MLLT3: variants seen among roughly 807,000 people sequenced by gnomAD.
MLLT3 encodes the protein protein AF-9.
A neutral mutation model predicts 53.2 loss-of-function variants in MLLT3; 4 were observed. The observed-to-expected ratio is 0.08, with a 90% confidence interval of 0.04 to 0.17. The LOEUF is 0.17. Ranked by LOEUF, MLLT3 falls within the 10% of genes least tolerant of loss-of-function variation. MLLT3 has a pLI of 1.00. For synonymous variants in MLLT3, 283 were observed against 230.6 expected, an observed-to-expected ratio of 1.23 and a Z score of -2.06; for missense variants, 569 against 684.0, an observed-to-expected ratio of 0.83 and a Z score of 1.87.
intron 2 of MLLT3, among the ~76,000 whole-genome samples, chr9:20,516,346 C>G (rs997889440): frequency 6.6e-6 from 1 of 152,174 alleles, no homozygotes; most frequent in Non-Finnish European, 1.5e-5. Context: ...AAGCACAACA[C>G]TCTACATGTA....
chr9:20,351,254 G>C (rs574163458), intron 10 of MLLT3, among the ~76,000 whole-genome samples: 1 of 152,146 alleles, frequency 6.6e-6, no homozygotes, highest in Non-Finnish European at 1.5e-5. Flanking sequence ...AAAGAATGAC[G>C]GCTGGCTTCT....
At chr9:20,460,907 G>C (rs1824090397) in intron 2 of MLLT3, among the ~76,000 whole-genome samples, 1 of 152,166 alleles carries the variant, frequency 6.6e-6, no homozygotes, top group Non-Finnish European at 1.5e-5. Context: ...GAGTACTGTG[G>C]AACTGGTCCT....
At chr9:20,403,530 G>T (rs1822507014) in intron 5 of MLLT3, among the ~76,000 whole-genome samples, 1 of 152,096 alleles carries the variant, frequency 6.6e-6, no homozygotes, top group Non-Finnish European at 1.5e-5. Flanking sequence ...TCTTTAAAGG[G>T]GAGGAAGTGA....
intron 4 of MLLT3, among the ~76,000 whole-genome samples, chr9:20,434,072 G>A (rs543351289): frequency 7.9e-5 from 12 of 152,172 alleles, no homozygotes; most frequent in African/African-American, 2.9e-4. Flanking sequence ...AGTGAGCCAA[G>A]ACGGTGCCAC....
intron 8 of MLLT3, among the ~76,000 whole-genome samples, chr9:20,358,972 C>A (rs1266506894): frequency 1.3e-5 from 2 of 151,722 alleles, no homozygotes; most frequent in Non-Finnish European, 2.9e-5. Flanking sequence ...TGGTGAAACC[C>A]CGTCTCTACT....
chr9:20,614,267 G>A (rs901170933), intron 2 of MLLT3, among the ~76,000 whole-genome samples: 2 of 152,278 alleles, frequency 1.3e-5, no homozygotes, highest in Non-Finnish European at 2.9e-5. Flanking sequence ...GGTGGCGCAT[G>A]CCTATAATCC....
chr9:20,503,429 G>C (rs879833208), intron 2 of MLLT3, among the ~76,000 whole-genome samples: 2 of 152,090 alleles, frequency 1.3e-5, no homozygotes, highest in Non-Finnish European at 2.9e-5. Context: ...AAGGTGCCAA[G>C]AATGCACAAT....
At chr9:20,617,116 T>C (rs1443367411) in intron 2 of MLLT3, among the ~76,000 whole-genome samples, 1 of 152,154 alleles carries the variant, frequency 6.6e-6, no homozygotes, top group Non-Finnish European at 1.5e-5. Flanking sequence ...CCTACACAAA[T>C]AACACTCGCT....
At chr9:20,602,628 T>G (rs993785577) in intron 2 of MLLT3, among the ~76,000 whole-genome samples, 4 of 152,056 alleles carry the variant, frequency 2.6e-5, no homozygotes, top group African/African-American at 9.7e-5. Context: ...AGCAATACAT[T>G]TATTACAAGG....
chr9:20,421,279 A>T (rs1010135146), intron 4 of MLLT3, among the ~76,000 whole-genome samples: 25 of 152,130 alleles, frequency 1.6e-4, no homozygotes, highest in African/African-American at 5.8e-4. Flanking sequence ...AATAAATAAA[A>T]TAAATAAATT....
chr9:20,346,708 C>T, intron 10 of MLLT3, 134 bp from the exon 11 acceptor site: 1 of 784,434 alleles, frequency 1.3e-6, no homozygotes, highest in Non-Finnish European at 2.0e-6. Flanking sequence ...GGTCCCATAC[C>T]ATGAATAGCA....
At chr9:20,575,841 C>G (rs564911363) in intron 2 of MLLT3, among the ~76,000 whole-genome samples, 38 of 152,298 alleles carry the variant, frequency 2.5e-4, no homozygotes, top group East Asian at 7.7e-4. Context: ...AGAATGTAAA[C>G]GAGCACTGGC....
At chr9:20,522,364 A>G (rs1475619891) in intron 2 of MLLT3, among the ~76,000 whole-genome samples, 1 of 152,140 alleles carries the variant, frequency 6.6e-6, no homozygotes, top group Non-Finnish European at 1.5e-5. Flanking sequence ...TAAAGCTTAA[A>G]CATTATTTGA....
chr9:20,417,365 T>A (rs1301328937), intron 4 of MLLT3, among the ~76,000 whole-genome samples: 2 of 147,636 alleles, frequency 1.4e-5, no homozygotes, highest in East Asian at 3.9e-4. Context: ...TATATAAAAA[T>A]ATATATATTA....
chr9:20,571,076 C>CT (rs1396069575), intron 2 of MLLT3, among the ~76,000 whole-genome samples: 3 of 152,156 alleles, frequency 2.0e-5, no homozygotes, highest in African/African-American at 7.2e-5. Flanking sequence ...CACACAGTGG[C>CT]TTAGTTACAC....
Position 20,346,416 on chromosome 9 carries a change from T to A in MLLT3, c.*27A>T, listed in dbSNP as rs768343700. ...AAACCAAAAAAAAAAAACACAATAG[T>A]TCTTGATGCATCCAGTTGTTATATC... On this transcript the variant is annotated 3_prime_UTR_variant, in exon 11 of 11. Transcript: ENST00000380338. 1 of 1,538,932 alleles carries A rather than the reference T, an allele frequency of 6.5e-7. No homozygotes were observed. Among genetic ancestry groups the A allele is most frequent in the East Asian group, 2.3e-5 (1 of 42,760 alleles).
intron 2 of MLLT3, among the ~76,000 whole-genome samples, chr9:20,585,473 G>A (rs1410587676): frequency 1.3e-5 from 2 of 152,194 alleles, no homozygotes; most frequent in Admixed American, 1.3e-4. Flanking sequence ...GTAATAGTGT[G>A]TTTAGTTTTG....
chr9:20,401,938 A>C (rs978646899), intron 5 of MLLT3, among the ~76,000 whole-genome samples: 6 of 152,228 alleles, frequency 3.9e-5, no homozygotes, highest in Admixed American at 2.0e-4. Context: ...CCTGTTGATC[A>C]GAATTGTCCA....
chr9:20,588,021 A>C (rs1312478536), intron 2 of MLLT3, among the ~76,000 whole-genome samples: 1 of 149,762 alleles, frequency 6.7e-6, no homozygotes, highest in Non-Finnish European at 1.5e-5. Context: ...TTTTTGTATA[A>C]GGTGTAAGGA....
Sources: allele counts gnomAD v4.1 joint callset (sites outside exome capture counted in the v4.1 genomes callset), GRCh38; gene constraint gnomAD v4.1.1; transcripts MANE v1.5; gene names NCBI Gene and HGNC (gene_info 2026-07-23, HGNC 2026-07-21).